The following ARID1B variants were observed in gnomAD, a reference collection of about 807,000 sequenced individuals.
The protein encoded by ARID1B is AT-rich interaction domain 1B, also known as AT-rich interactive domain-containing protein 1B.
Under a neutral mutation model 212.3 loss-of-function variants are expected in ARID1B, and 30 were observed. That is an observed-to-expected ratio of 0.14 (90% CI 0.11 to 0.19). The LOEUF (loss-of-function observed/expected upper bound fraction) is 0.19, where lower values mean the gene tolerates loss of function less well. ARID1B is among the 10% of genes least tolerant of loss of function. The pLI is 1.00. For missense variants in ARID1B, 2,891 were observed against 3,204.0 expected (o/e 0.90, Z 2.36); for synonymous variants, 1,402 against 1,301.7 (o/e 1.08, Z -1.66).
chr6:156,857,189 T>C (rs888346111), intron 2 of ARID1B, among the ~76,000 whole-genome samples: 1 of 152,314 alleles, frequency 6.6e-6, no homozygotes, highest in South Asian at 2.1e-4. Context: ...GACGAGGAAA[T>C]TGAGGCTTAG....
intron 1 of ARID1B, among the ~76,000 whole-genome samples, chr6:156,827,443 C>T: frequency 6.6e-6 from 1 of 152,218 alleles, no homozygotes; most frequent in East Asian, 1.9e-4. Flanking sequence ...GCCTCACCTG[C>T]CTGCCAGGGC....
chr6:157,179,936 C>A (rs1292806639), intron 11 of ARID1B, among the ~76,000 whole-genome samples: 1 of 151,738 alleles, frequency 6.6e-6, no homozygotes, highest in African/African-American at 2.4e-5. Context: ...GGAAAAAAAA[C>A]TTAAGAATTC....
intron 4 of ARID1B, among the ~76,000 whole-genome samples, chr6:156,998,312 C>T (rs557946627): frequency 6.6e-6 from 1 of 151,824 alleles, no homozygotes; most frequent in Non-Finnish European, 1.5e-5. Flanking sequence ...CCTCTGCCTC[C>T]CAGGTTCAAG....
At chr6:156,985,637 A>T (rs1285977221) in intron 4 of ARID1B, 1 of 152,200 alleles carries the variant, frequency 6.6e-6, no homozygotes, top group Non-Finnish European at 1.5e-5. Flanking sequence ...TTTGCTTTTT[A>T]TAAACAACTA....
intron 2 of ARID1B, among the ~76,000 whole-genome samples, chr6:156,850,735 C>T (rs1430598141): frequency 6.6e-6 from 1 of 152,134 alleles, no homozygotes; most frequent in Non-Finnish European, 1.5e-5. Context: ...ACTAAGGTTA[C>T]CTTTTGAAGA....
Position 157,004,890 on chromosome 6 carries a change from C to CTTTTTTGTTTTTTTTTTTT in ARID1B, c.2247+69320_2247+69321insGTTTTTTTTTTTTTTTTTT, listed in dbSNP as rs1779118895. Reference sequence around the variant, plus strand: ...GCATTTCTTTTTTCTTTTTCTTCTTCTTTTTTCTTTTTTTTTTTTTTTTTT... The same window carrying CTTTTTTGTTTTTTTTTTTT: ...GCATTTCTTTTTTCTTTTTCTTCTTCTTTTTTGTTTTTTTTTTTTTTTTTTCTTTTTTTTTTTTTTTTTT... On this transcript the variant is annotated intron_variant, in intron 4 of 19. Transcript: ENST00000636930. Among the ~76,000 whole-genome samples the CTTTTTTGTTTTTTTTTTTT allele has an allele frequency of 5.3e-4, 19 of 35,690 alleles. 4 individuals are homozygous for CTTTTTTGTTTTTTTTTTTT. The highest frequency in any genetic ancestry group is 7.0e-4 in the Admixed American group (2 of 2,860). The allele number at this position is 35,690 out of a possible 152,430, so 23.4% of individuals were successfully genotyped here.
intron 2 of ARID1B, among the ~76,000 whole-genome samples, chr6:156,862,176 T>A (rs1785377335): frequency 6.6e-6 from 1 of 152,220 alleles, no homozygotes; most frequent in African/African-American, 2.4e-5. Context: ...GAGAGACATT[T>A]GAGGTTTGGG....
intron 4 of ARID1B, among the ~76,000 whole-genome samples, chr6:157,061,913 G>C (rs1031792525): frequency 6.6e-6 from 1 of 152,120 alleles, no homozygotes; most frequent in African/African-American, 2.4e-5. Flanking sequence ...AACGTGCATC[G>C]TGTGGTAGGA....
chr6:156,985,757 A>G (rs1157797033), intron 4 of ARID1B: 1 of 152,174 alleles, frequency 6.6e-6, no homozygotes, highest in Non-Finnish European at 1.5e-5. Context: ...TAAAACTTAA[A>G]CGTCTGCACA....
At chr6:157,038,176 T>C (rs1413908734) in intron 4 of ARID1B, among the ~76,000 whole-genome samples, 15 of 152,128 alleles carry the variant, frequency 9.9e-5, no homozygotes. Flanking sequence ...CATTTTCATA[T>C]AGAGGTGTAG....
At chr6:156,910,287 G>C (rs1393915202) in intron 3 of ARID1B, among the ~76,000 whole-genome samples, 2 of 152,178 alleles carry the variant, frequency 1.3e-5, no homozygotes, top group Non-Finnish European at 1.5e-5. Flanking sequence ...TTAGCTTGTG[G>C]TTGCTATTTC....
chr6:156,958,235 C>T (rs1321153213), intron 4 of ARID1B, among the ~76,000 whole-genome samples: 2 of 152,172 alleles, frequency 1.3e-5, no homozygotes, highest in African/African-American at 4.8e-5. Flanking sequence ...AGCTCCACAC[C>T]TAGGAACAGC....
chr6:156,894,430 T>A (rs909008066), intron 2 of ARID1B, among the ~76,000 whole-genome samples: 2 of 152,218 alleles, frequency 1.3e-5, no homozygotes, highest in African/African-American at 4.8e-5. Flanking sequence ...AATGTACTTA[T>A]GCATCATTGA....
chr6:157,014,586 A>C (rs1779796696), intron 4 of ARID1B, among the ~76,000 whole-genome samples: 2 of 152,202 alleles, frequency 1.3e-5, no homozygotes, highest in South Asian at 2.1e-4. Flanking sequence ...GAATATAAGC[A>C]GTTTTTTTCA....
intron 4 of ARID1B, chr6:157,072,290 C>T (rs1310715555): frequency 6.6e-6 from 1 of 152,066 alleles, no homozygotes; most frequent in African/African-American, 2.4e-5. Context: ...TGTTTTATTT[C>T]CTTTACAAAA....
At chr6:157,082,230 T>G (rs1224711999) in intron 4 of ARID1B, among the ~76,000 whole-genome samples, 1 of 152,234 alleles carries the variant, frequency 6.6e-6, no homozygotes, top group Non-Finnish European at 1.5e-5. Flanking sequence ...TCCTAATTCC[T>G]GTTTTTCCCC....
chr6:156,868,657 G>A (rs762267809), intron 2 of ARID1B, among the ~76,000 whole-genome samples: 2 of 152,150 alleles, frequency 1.3e-5, no homozygotes, highest in Non-Finnish European at 2.9e-5. Context: ...TCATGACCTA[G>A]TCACCTCCCG....
rs114677380 is a variant in ARID1B at position 157,146,686 on chromosome 6, C to T, written c.2762-1938C>T. On this transcript the variant is annotated intron_variant, in intron 7 of 19. Coordinates refer to ENST00000636930, the MANE Select transcript of ARID1B (RefSeq NM_001374828.1). ...CACATACCCATGTAGATGTGAGCTT[C>T]TCGAGTGCAAGAACTGGATTGTATT... Among the ~76,000 whole-genome samples the T allele has an allele frequency of 7.3e-3, 1,106 of 152,298 alleles. 16 individuals carry two copies. Among genetic ancestry groups the T allele is most frequent in the African/African-American group, 0.025 (1,044 of 41,548 alleles).
chr6:156,887,728 G>T (rs764780623), intron 2 of ARID1B, among the ~76,000 whole-genome samples: 1 of 151,692 alleles, frequency 6.6e-6, no homozygotes, highest in African/African-American at 2.4e-5. Flanking sequence ...CAATGCAACC[G>T]CATAATCTCA....
Sources: gnomAD v4.1 joint callset for allele counts (sites outside exome capture counted in the v4.1 genomes callset) on GRCh38, gnomAD v4.1.1 for gene constraint, MANE v1.5 for transcripts, NCBI Gene and HGNC (gene_info 2026-07-23, HGNC 2026-07-21) for gene names.